LNP1: variants seen among roughly 807,000 people sequenced by gnomAD.
LNP1 encodes the protein leukemia NUP98 fusion partner 1.
LNP1 carries 12 observed loss-of-function variants against 14.5 expected under a neutral mutation model. The observed-to-expected ratio is 0.83, with a 90% CI of 0.53 to 1.34. The LOEUF (loss-of-function observed/expected upper bound fraction) is 1.34, where lower values mean the gene tolerates loss of function less well. Among genes scored for constraint, LNP1 ranks in the 40% most tolerant of loss-of-function variants. The pLI is 0.00. For missense variants in LNP1, 198 were observed against 210.9 expected (o/e 0.94, Z 0.38); for synonymous variants, 75 against 71.4 (o/e 1.05, Z -0.26).
chr3:100,453,417 C>T (rs1264336690), intron 3 of LNP1, among the ~76,000 whole-genome samples: 8 of 145,512 alleles, frequency 5.5e-5, no homozygotes, highest in African/African-American at 2.6e-5. Flanking sequence ...CCTGTCTCTA[C>T]GAAAATTAAA....
At chr3:100,414,681 C>T (rs962729324) in intron 1 of LNP1, among the ~76,000 whole-genome samples, 7 of 152,136 alleles carry the variant, frequency 4.6e-5, no homozygotes, top group African/African-American at 7.2e-5. Context: ...AAGCAAACTG[C>T]TTATGGAGGG....
At chr3:100,431,991 T>TA (rs1707246805) in intron 2 of LNP1, among the ~76,000 whole-genome samples, 2 of 26,908 alleles carry the variant, frequency 7.4e-5, no homozygotes, top group Non-Finnish European at 1.5e-4. Context: ...TGAGACCTTG[T>TA]TTATATATAT....
At chr3:100,417,783 C>T (rs1052894173) in intron 1 of LNP1, among the ~76,000 whole-genome samples, 1 of 151,946 alleles carries the variant, frequency 6.6e-6, no homozygotes, top group Non-Finnish European at 1.5e-5. Flanking sequence ...TTTTCTTTTT[C>T]GGGGAGTTCA....
Position 100,421,961 on chromosome 3 carries a change from C to T in LNP1, c.-33-7736C>T, listed in dbSNP as rs189073080. ...CAGTTTTCTTTATGTGTATGATGAT[C>T]CTCTCCTTTATTGTAAATTGCAGCA... On this transcript the variant is annotated intron_variant, in intron 1 of 3. Coordinates refer to ENST00000383693, the MANE Select transcript of LNP1 (RefSeq NM_001085451.2). Among the ~76,000 whole-genome samples, 3 of 152,146 alleles carry T rather than the reference C, an allele frequency of 2.0e-5. No individual in the cohort carries two copies. The East Asian group carries it at 5.8e-4, about 29-fold the overall frequency.
At chr3:100,447,038 C>T (rs1218815303) in intron 2 of LNP1, among the ~76,000 whole-genome samples, 8 of 152,074 alleles carry the variant, frequency 5.3e-5, no homozygotes, top group African/African-American at 7.2e-5. Flanking sequence ...GAAGACAGGG[C>T]GGCAATTCCT....
intron 1 of LNP1, among the ~76,000 whole-genome samples, chr3:100,413,878 T>C (rs958717387): frequency 6.6e-6 from 1 of 152,238 alleles, no homozygotes; most frequent in Non-Finnish European, 1.5e-5. Flanking sequence ...TATGCAGTGC[T>C]GTTCTTAGCA....
chr3:100,454,777 C>T (rs183566794), intron 3 of LNP1, among the ~76,000 whole-genome samples: 95 of 152,254 alleles, frequency 6.2e-4, no homozygotes, highest in Admixed American at 6.2e-3. Flanking sequence ...CATTGTAGAG[C>T]GGCTGACACC....
intron 1 of LNP1, among the ~76,000 whole-genome samples, chr3:100,403,933 A>G (rs1213726112): frequency 2.0e-5 from 3 of 152,222 alleles, no homozygotes; most frequent in African/African-American, 7.2e-5. Context: ...AGAGTTGGTA[A>G]ATAGCTGGTT....
At chr3:100,441,631 AAT>A (rs59950841) in intron 2 of LNP1, among the ~76,000 whole-genome samples, 48,572 of 148,028 alleles carry the variant, frequency 0.33, 7,982 homozygotes, top group Admixed American at 0.37. Context: ...ATTAGCTTTA[AAT>A]ATATATATAT....
intron 1 of LNP1, among the ~76,000 whole-genome samples, chr3:100,407,240 A>G (rs1295942759): frequency 6.6e-6 from 1 of 152,226 alleles, no homozygotes; most frequent in Admixed American, 6.5e-5. Flanking sequence ...TTCAGCTTGA[A>G]GAACACCCTT....
chr3:100,452,130 A>G (rs988849821), intron 3 of LNP1, among the ~76,000 whole-genome samples, 181 bp downstream of exon 3: 13 of 152,054 alleles, frequency 8.5e-5, no homozygotes, highest in Non-Finnish European at 1.5e-4. Context: ...AATATTATTT[A>G]TAATTGAAGA....
At chr3:100,411,231 T>A (rs1044316403) in intron 1 of LNP1, among the ~76,000 whole-genome samples, 2 of 152,252 alleles carry the variant, frequency 1.3e-5, no homozygotes, top group Admixed American at 6.5e-5. Flanking sequence ...CTGTCTATCC[T>A]ATGCCTTGTC....
intron 3 of LNP1, among the ~76,000 whole-genome samples, chr3:100,453,237 C>T (rs1707476665): frequency 6.6e-6 from 1 of 152,046 alleles, no homozygotes; most frequent in South Asian, 2.1e-4. Flanking sequence ...GCTGCTTTCT[C>T]CACCTGATCA....
chr3:100,417,485 C>T (rs1707097181), intron 1 of LNP1, among the ~76,000 whole-genome samples: 1 of 144,076 alleles, frequency 6.9e-6, no homozygotes, highest in African/African-American at 2.6e-5. Flanking sequence ...AAGCACTTCT[C>T]CTGCCTCAGC....
At chr3:100,444,166 A>G (rs1290524412) in intron 2 of LNP1, among the ~76,000 whole-genome samples, 1 of 152,178 alleles carries the variant, frequency 6.6e-6, no homozygotes, top group African/African-American at 2.4e-5. Flanking sequence ...ACCTCATTCA[A>G]GAGCACCTGT....
At chr3:100,444,779 T>A (rs1324594998) in intron 2 of LNP1, among the ~76,000 whole-genome samples, 1 of 152,226 alleles carries the variant, frequency 6.6e-6, no homozygotes, top group Non-Finnish European at 1.5e-5. Flanking sequence ...ATGAAGCCAA[T>A]TAAATTTGTT....
chr3:100,437,415 A>G (rs888301007), intron 2 of LNP1, among the ~76,000 whole-genome samples: 40 of 152,130 alleles, frequency 2.6e-4, no homozygotes, highest in African/African-American at 9.4e-4. Flanking sequence ...ACAGTTTTGC[A>G]TTGATTTAGT....
At chr3:100,453,770 C>T (rs1423605133) in intron 3 of LNP1, among the ~76,000 whole-genome samples, 2 of 152,116 alleles carry the variant, frequency 1.3e-5, no homozygotes, top group Non-Finnish European at 2.9e-5. Flanking sequence ...TTCCCACCTC[C>T]AAACACAGGC....
At chr3:100,444,958 CTTTGACA>C (rs1466555928) in intron 2 of LNP1, among the ~76,000 whole-genome samples, 3 of 152,088 alleles carry the variant, frequency 2.0e-5, no homozygotes, top group Non-Finnish European at 4.4e-5. Flanking sequence ...ATCAGTGTGC[CTTTGACA>C]TTGATGATTA....
Sources: gnomAD v4.1 joint callset for allele counts (sites outside exome capture counted in the v4.1 genomes callset) on GRCh38, gnomAD v4.1.1 for gene constraint, MANE v1.5 for transcripts, NCBI Gene and HGNC (gene_info 2026-07-23, HGNC 2026-07-21) for gene names.